The following NOC3L variants were observed in gnomAD, a reference collection of about 807,000 sequenced individuals.
NOC3L encodes the protein NOC3 like DNA replication regulator.
NOC3L carries 85 observed loss-of-function variants against 102.5 expected under a neutral mutation model. The ratio of observed to expected loss-of-function variants is 0.83; its 90% CI spans 0.70 to 0.99. The LOEUF (loss-of-function observed/expected upper bound fraction) is 0.99. NOC3L is among the 50% of genes least tolerant of loss of function. NOC3L has a pLI of 0.00. For missense variants in NOC3L, 878 were observed against 914.9 expected, an observed-to-expected ratio of 0.96 and a Z score of 0.52; for synonymous variants, 303 against 309.4, an observed-to-expected ratio of 0.98 and a Z score of 0.22.
Position 94,344,727 on chromosome 10 carries a change from CA to C in NOC3L, c.1470+125del. ...TCACATCACAGTTTCCCGCACATCA[CA>C]AAAGTCACACATCTAAGCCTCATGA... On this transcript the variant is annotated intron_variant, in intron 12 of 20. Coordinates refer to ENST00000371361, the MANE Select transcript of NOC3L (RefSeq NM_022451.11). 3.9e-6 allele frequency: 3 copies of C among 760,326 alleles called. No individual in the cohort carries two copies. In the South Asian group the frequency reaches 5.5e-5, roughly 14 times the overall value. 47.1% of individuals were successfully genotyped at this position (760,326 alleles called of 1,614,324 possible). A position where few individuals can be genotyped will look rare whatever the true frequency, so the allele number is the denominator to read the frequency against.
chr10:94,349,970 G>GTCAA, intron 9 of NOC3L, 143 bp downstream of exon 9: 6 of 640,358 alleles, frequency 9.4e-6, no homozygotes, highest in South Asian at 3.9e-5. Flanking sequence ...ATGTTAGCTG[G>GTCAA]GGTGGTCTCG....
chr10:94,349,633 A>G (rs2054390887), intron 9 of NOC3L, among the ~76,000 whole-genome samples: 1 of 152,162 alleles, frequency 6.6e-6, no homozygotes, highest in Non-Finnish European at 1.5e-5. Context: ...CACCAAACTT[A>G]TGTTCAGATA....
chr10:94,352,972 GA>G lies in NOC3L; in HGVS notation c.781del (p.Ser261LeufsTer2). On this transcript the variant is annotated frameshift_variant, in exon 7 of 21. Coordinates refer to ENST00000371361, the MANE Select transcript of NOC3L (RefSeq NM_022451.11). LOFTEE classifies it high-confidence loss of function. ...AVTVRKLVIVSLMELFKDITP... is the reference protein window; with the variant it reads ...AVTVRKLVIVXLMELFKDITP... ...AATATCTTTAAATAACTCCATCAGA[GA>G]AACAATTACCAGCTTTCGAACAGTA... The G allele has an allele frequency of 6.2e-7, 1 of 1,613,774 alleles. No homozygotes were observed. The highest frequency in any genetic ancestry group is 8.5e-7 in the Non-Finnish European group (1 of 1,179,702).
At chr10:94,337,119 A>G (rs1371033953) in intron 19 of NOC3L, among the ~76,000 whole-genome samples, 1 of 151,856 alleles carries the variant, frequency 6.6e-6, no homozygotes, top group East Asian at 1.9e-4. Context: ...TGTACTTGTG[A>G]AAATTTTGTA....
Position 94,338,622 on chromosome 10 carries a change from G to C in NOC3L, c.2077C>G (p.Leu693Val). 1 of 1,572,982 alleles carries C rather than the reference G, an allele frequency of 6.4e-7. No homozygotes were observed. The highest frequency in any genetic ancestry group is 1.7e-5 in the Admixed American group (1 of 57,434). ...GCCACTCTTACCCGCAGAGCATGCA[G>C]TTCCCACAGAGCAGTGTTCTGAGCA... ...CNAQNTALWELHALRRHYHPI... is the reference protein window; with the variant it reads ...CNAQNTALWEVHALRRHYHPI... The change falls in exon 18 of 21, where the codon CTG (leucine) becomes GTG (valine). Residue 693 changes from leucine (L) to valine (V), a missense_variant. Coordinates refer to ENST00000371361, the MANE Select transcript of NOC3L (RefSeq NM_022451.11).
the NOC3L span, among the ~76,000 whole-genome samples, chr10:94,317,299 T>C: frequency 6.6e-6 from 1 of 152,126 alleles, no homozygotes; most frequent in Admixed American, 6.6e-5. Flanking sequence ...AAATAAACTA[T>C]TCCATTTTAA....
intron 14 of NOC3L, among the ~76,000 whole-genome samples, chr10:94,340,757 A>G (rs528215226): frequency 2.1e-4 from 32 of 151,822 alleles, no homozygotes; most frequent in African/African-American, 6.3e-4. Context: ...CGAGGCGGGC[A>G]GATCACGAGG....
At chr10:94,329,604 C>T (rs1311627727), downstream of NOC3L, 1 of 151,848 alleles carries the variant, frequency 6.6e-6, no homozygotes, top group South Asian at 2.1e-4. Context: ...ATGGTGAAAC[C>T]CAATCTCTAC....
the NOC3L span, among the ~76,000 whole-genome samples, chr10:94,327,432 C>G: frequency 6.6e-6 from 1 of 151,280 alleles, no homozygotes; most frequent in Admixed American, 6.6e-5. Flanking sequence ...CCATCTCTAC[C>G]AAAAAATATA....
Position 94,357,136 on chromosome 10 carries a change from TA to T in NOC3L, c.508+37del, listed in dbSNP as rs2054495897. 7 of 1,408,116 alleles carry T rather than the reference TA, an allele frequency of 5.0e-6. No individual in the cohort carries two copies. In the African/African-American group the frequency reaches 8.9e-5, roughly 18 times the overall value. The allele number at this position is 1,408,116 out of a possible 1,614,324, so 87.2% of individuals were successfully genotyped here. ...AAAAAACATGATATCAGTAAGGGGGTAAAAGTTCAACTAATATTACCAGTTT... is the reference window on the plus strand; with the variant it reads ...AAAAAACATGATATCAGTAAGGGGGTAAAGTTCAACTAATATTACCAGTTT... On this transcript the variant is annotated intron_variant, in intron 4 of 20. Transcript: ENST00000371361.
intron 4 of NOC3L, 141 bp downstream of exon 4, chr10:94,357,030 AATC>A: frequency 1.8e-6 from 1 of 567,972 alleles, no homozygotes; most frequent in Non-Finnish European, 2.8e-6. Flanking sequence ...TTCTGGCCCA[AATC>A]ATCAAGCTTG....
Position 94,349,279 on chromosome 10 carries a change from T to TG in NOC3L, c.1227_1228insC (p.Lys410GlnfsTer8). On this transcript the variant is annotated frameshift_variant, in exon 10 of 21. Coordinates refer to ENST00000371361, the MANE Select transcript of NOC3L (RefSeq NM_022451.11). LOFTEE classifies it high-confidence loss of function. Reference sequence around the variant, plus strand: ...GGCCTAACTTCGTAATTTCTGCCCTTCACAAAACCAGAAATCACTTTAATT... The same window carrying TG: ...GGCCTAACTTCGTAATTTCTGCCCTTGCACAAAACCAGAAATCACTTTAATT... 1 of 1,582,232 alleles carries TG rather than the reference T, an allele frequency of 6.3e-7. No homozygotes were observed. The highest frequency in any genetic ancestry group is 8.5e-7 in the Non-Finnish European group (1 of 1,170,680).
At chr10:94,351,536 C>A (rs989374888) in intron 8 of NOC3L, among the ~76,000 whole-genome samples, 1 of 151,904 alleles carries the variant, frequency 6.6e-6, no homozygotes, top group Non-Finnish European at 1.5e-5. Flanking sequence ...TTTATTTATT[C>A]ATTTCTTTTG....
chr10:94,352,527 C>A (rs147869076), intron 7 of NOC3L, 124 bp from the exon 8 acceptor site: 2 of 662,740 alleles, frequency 3.0e-6, no homozygotes, highest in Admixed American at 2.9e-5. Flanking sequence ...ACAAAAAACG[C>A]GGCAGTCGTT....
At chr10:94,315,016 G>A in the NOC3L span, 3 of 165,034 alleles carry the variant, frequency 1.8e-5, no homozygotes, top group South Asian at 5.1e-4. Flanking sequence ...ACCCATAGCA[G>A]TCCATTGCTT....
chr10:94,315,096 T>A, the NOC3L span: 1 of 234,386 alleles, frequency 4.3e-6, no homozygotes, highest in Non-Finnish European at 8.5e-6. Flanking sequence ...CTGGCCCTCT[T>A]GTGGAGGTGG....
downstream of NOC3L, chr10:94,332,505 CTGTG>C (rs10537252): frequency 0.26 from 37,847 of 145,478 alleles, 4,951 homozygotes; most frequent in African/African-American, 0.33. Flanking sequence ...ATGTGTGTGC[CTGTG>C]TGTGTGTGTG....
chr10:94,361,331 C>T (rs573814555), intron 2 of NOC3L: 1 of 267,670 alleles, frequency 3.7e-6, no homozygotes, highest in Non-Finnish European at 7.1e-6. Context: ...TACCTAACTG[C>T]TGGTGAATGG....
rs984490282 is a variant in NOC3L, at chr10:94,360,054, A to T, written c.217+1611T>A. 5.9e-5 allele frequency among the ~76,000 whole-genome samples: 9 copies of T among 152,228 alleles called. No individual in the cohort carries two copies. The South Asian group carries it at 1.9e-3, about 31-fold the overall frequency. ...AATACGGGGCCAGGCGCGGTGGCTC[A>T]CGCCTGTAATCCCAGCACTTTGGGA... On this transcript the variant is annotated intron_variant, in intron 2 of 20. Transcript: ENST00000371361.
Sources: allele counts gnomAD v4.1 joint callset (sites outside exome capture counted in the v4.1 genomes callset), GRCh38; gene constraint gnomAD v4.1.1; transcripts MANE v1.5; gene names NCBI Gene and HGNC (gene_info 2026-07-23, HGNC 2026-07-21).